The following CCNB3 variants were observed in gnomAD, a reference collection of about 807,000 sequenced individuals.
CCNB3 encodes the protein cyclin B3.
Under a neutral mutation model 68.0 loss-of-function variants are expected in CCNB3, and 12 were observed. That is an observed-to-expected ratio of 0.18 (90% CI 0.11 to 0.29). CCNB3 has a LOEUF of 0.29. Among genes scored for constraint, CCNB3 ranks in the 10% least tolerant of loss-of-function variants. CCNB3 has a pLI of 1.00. For missense variants in CCNB3, 904 were observed against 993.1 expected (o/e 0.91, Z 1.21); for synonymous variants, 354 against 388.9 (o/e 0.91, Z 1.06).
chrX:50,281,308 G>C (rs758985457), intron 1 of CCNB3, among the ~76,000 whole-genome samples: 3 of 111,247 alleles, frequency 2.7e-5, no homozygotes, highest in Non-Finnish European at 3.8e-5. Context: ...CAACTGGGCT[G>C]GTGGAGGGTC....
chrX:50,296,726 C>T (rs1368321112), intron 5 of CCNB3, among the ~76,000 whole-genome samples: 2 of 74,058 alleles, frequency 2.7e-5, no homozygotes, highest in Admixed American at 1.7e-4. Context: ...AATGGTTGAA[C>T]GAGTTTCCAG....
At chrX:50,303,734 C>A (rs1245095298) in intron 5 of CCNB3, among the ~76,000 whole-genome samples, 1 of 110,853 alleles carries the variant, frequency 9.0e-6, no homozygotes, top group Non-Finnish European at 1.9e-5. Context: ...ATTTTAGATA[C>A]AAGTCCCTGA....
At chrX:50,351,444 C>T in intron 12 of CCNB3, 73 bp downstream of exon 12, 1 of 1,132,371 alleles carries the variant, frequency 8.8e-7, no homozygotes, top group Non-Finnish European at 1.2e-6. Flanking sequence ...TAGACCGAGA[C>T]TAGCCTCACT....
intron 8 of CCNB3, among the ~76,000 whole-genome samples, chrX:50,326,564 T>C (rs1382640348): frequency 5.4e-5 from 6 of 111,485 alleles, no homozygotes; most frequent in African/African-American, 2.0e-4. Flanking sequence ...TTTCTTAAGA[T>C]AGCCTTTGGA....
chrX:50,318,524 A>T (rs1191418183), intron 8 of CCNB3, among the ~76,000 whole-genome samples: 1 of 111,857 alleles, frequency 8.9e-6, no homozygotes, highest in Non-Finnish European at 1.9e-5. Flanking sequence ...AAACAACAAC[A>T]ACAACAACAA....
intron 11 of CCNB3, 110 bp downstream of exon 11, chrX:50,347,885 A>C: frequency 1.3e-6 from 1 of 745,573 alleles, no homozygotes; most frequent in Non-Finnish European, 1.9e-6. Context: ...GACAAAACTG[A>C]CACATATTCA....
At chrX:50,227,055 T>C (rs1442382875) in intron 1 of CCNB3, among the ~76,000 whole-genome samples, 1 of 78,366 alleles carries the variant, frequency 1.3e-5, no homozygotes, top group Admixed American at 1.8e-4. Context: ...TACAAATATA[T>C]AGAATATATA....
intron 1 of CCNB3, among the ~76,000 whole-genome samples, chrX:50,217,901 G>A (rs997707208): frequency 4.5e-5 from 5 of 111,227 alleles, no homozygotes; most frequent in Admixed American, 2.9e-4. Context: ...GGAAATTTTC[G>A]GTCTTATTTC....
intron 1 of CCNB3, among the ~76,000 whole-genome samples, chrX:50,226,946 AATATATATAGTATATATATAGAAT>A: frequency 1.4e-5 from 1 of 73,632 alleles, no homozygotes; most frequent in African/African-American, 6.2e-5. Context: ...ATATATATAG[AATATATATAGTATATATATAGAAT>A]ATATATAGTA....
chrX:50,314,484 G>A (rs1312619406), intron 8 of CCNB3, among the ~76,000 whole-genome samples: 7 of 112,036 alleles, frequency 6.2e-5, no homozygotes, highest in Admixed American at 9.5e-5. Flanking sequence ...AGTATTTGTT[G>A]AATGAATGGA....
intron 8 of CCNB3, among the ~76,000 whole-genome samples, chrX:50,338,835 GT>G (rs1306949698): frequency 8.9e-6 from 1 of 112,320 alleles, no homozygotes; most frequent in Admixed American, 9.4e-5. Flanking sequence ...CACTGTCCAT[GT>G]CAGTATCAGC....
intron 8 of CCNB3, among the ~76,000 whole-genome samples, chrX:50,339,634 CA>C (rs35947715): frequency 9.0e-6 from 1 of 111,055 alleles, no homozygotes; most frequent in African/African-American, 3.3e-5. Context: ...TCCTGTCTCT[CA>C]AAAAAGAAAA....
intron 1 of CCNB3, among the ~76,000 whole-genome samples, chrX:50,280,073 AAT>A (rs1187718229): frequency 6.7e-4 from 23 of 34,363 alleles, no homozygotes; most frequent in East Asian, 3.0e-3. Context: ...GGAATATATA[AAT>A]ATATATATGG....
intron 7 of CCNB3, among the ~76,000 whole-genome samples, chrX:50,313,434 G>T (rs1334816648): frequency 8.9e-6 from 1 of 112,016 alleles, no homozygotes; most frequent in Admixed American, 9.5e-5. Flanking sequence ...TGTTAGAAAT[G>T]CAGAAACCTA....
intron 8 of CCNB3, among the ~76,000 whole-genome samples, chrX:50,328,177 G>A (rs558484900): frequency 1.6e-4 from 18 of 112,634 alleles, no homozygotes; most frequent in South Asian, 7.3e-4. Flanking sequence ...GTAATATAAA[G>A]AATTGGTGTT....
intron 1 of CCNB3, among the ~76,000 whole-genome samples, chrX:50,226,791 C>A (rs1330388329): frequency 2.9e-5 from 2 of 68,730 alleles, no homozygotes; most frequent in African/African-American, 5.8e-5. Flanking sequence ...TGAATATGTA[C>A]ATAGAATATA....
intron 5 of CCNB3, among the ~76,000 whole-genome samples, chrX:50,296,885 A>G (rs1557211101): frequency 9.1e-6 from 1 of 109,959 alleles, no homozygotes; most frequent in Non-Finnish European, 1.9e-5. Flanking sequence ...GCCAGTGATG[A>G]TGAGCATTTT....
At chrX:50,280,073 A>AAT (rs1187718229) in intron 1 of CCNB3, among the ~76,000 whole-genome samples, 2 of 34,376 alleles carry the variant, frequency 5.8e-5, no homozygotes, top group East Asian at 7.6e-4. Context: ...GGAATATATA[A>AAT]ATATATATAT....
intron 1 of CCNB3, among the ~76,000 whole-genome samples, chrX:50,227,777 G>A (rs1310812656): frequency 6.7e-5 from 4 of 59,288 alleles, no homozygotes; most frequent in African/African-American, 1.4e-4. Flanking sequence ...TATATATAGA[G>A]AATATATATA....
Sources: allele counts gnomAD v4.1 joint callset (sites outside exome capture counted in the v4.1 genomes callset), GRCh38; gene constraint gnomAD v4.1.1; transcripts MANE v1.5; gene names NCBI Gene and HGNC (gene_info 2026-07-23, HGNC 2026-07-21).